The following BCAS3 variants were observed in gnomAD, a reference collection of about 807,000 sequenced individuals.
BCAS3 encodes BCAS4/BCAS3 fusion.
In BCAS3, 53 loss-of-function variants were observed where a neutral mutation model predicts 116.1. The ratio of observed to expected loss-of-function variants is 0.46; its 90% confidence interval spans 0.37 to 0.57. The LOEUF (loss-of-function observed/expected upper bound fraction) is 0.57. Among genes scored for constraint, BCAS3 ranks in the 20% least tolerant of loss-of-function variants. The pLI, the probability that BCAS3 is intolerant of heterozygous loss-of-function variation, is 0.00. For missense variants in BCAS3, 917 were observed against 1,165.4 expected, an observed-to-expected ratio of 0.79 and a Z score of 3.10; for synonymous variants, 391 against 408.2, an observed-to-expected ratio of 0.96 and a Z score of 0.51.
At chr17:60,949,803 A>G (rs2060734820) in intron 14 of BCAS3, among the ~76,000 whole-genome samples, 4 of 152,354 alleles carry the variant, frequency 2.6e-5, no homozygotes, top group South Asian at 2.1e-4. Context: ...CAGCTTCTAG[A>G]TATAGTCTCA....
intron 22 of BCAS3, among the ~76,000 whole-genome samples, chr17:61,159,114 C>A (rs767431375): frequency 2.6e-5 from 4 of 151,998 alleles, no homozygotes; most frequent in Admixed American, 6.6e-5. Flanking sequence ...TTTTTCTTTT[C>A]TTTTTTCCTT....
At chr17:61,192,529 T>C (rs1011020984) in intron 22 of BCAS3, among the ~76,000 whole-genome samples, 1 of 152,186 alleles carries the variant, frequency 6.6e-6, no homozygotes, top group African/African-American at 2.4e-5. Context: ...ATTAGGTTGA[T>C]GATAGACTTG....
chr17:60,810,505 G>C (rs2048709845), intron 7 of BCAS3: 2 of 747,632 alleles, frequency 2.7e-6, no homozygotes, highest in South Asian at 2.7e-5. Flanking sequence ...CAAAACCCAG[G>C]AGCACCTGGA....
intron 14 of BCAS3, among the ~76,000 whole-genome samples, chr17:60,976,034 T>TTTTTTTTTTTTTTTTTTTTTG: frequency 7.8e-6 from 1 of 128,948 alleles, no homozygotes; most frequent in Admixed American, 8.0e-5. Context: ...TTTTTTTTTT[T>TTTTTTTTTTTTTTTTTTTTTG]TTTTTTCTTT....
chr17:60,932,950 G>A (rs998323484), intron 13 of BCAS3, among the ~76,000 whole-genome samples: 3 of 151,966 alleles, frequency 2.0e-5, no homozygotes, highest in Non-Finnish European at 2.9e-5. Flanking sequence ...CGAGGAGGGC[G>A]GATTACTTGA....
rs2049225519 is a variant in BCAS3, at chr17:61,261,780, A to G, written c.2426-106547A>G. 6.6e-6 allele frequency among the ~76,000 whole-genome samples: 1 copy of G among 152,226 alleles called. No individual in the cohort carries two copies. The highest frequency in any genetic ancestry group is 1.5e-5 in the Non-Finnish European group (1 of 68,044). On this transcript the variant is annotated intron_variant, in intron 22 of 23. Coordinates refer to ENST00000407086, the MANE Select transcript of BCAS3 (RefSeq NM_017679.5). This position sits in a 1 kb window ranked among gnomAD's most constrained non-coding sequence, Gnocchi z 4.4. ...GATTGTCAAGACTTCTCATTTCTGT[A>G]TCAGAATGGTTATATCATTCCCTCC...
At position 61,224,445 on chromosome 17, in the gene BCAS3, A is replaced by G. The variant is rs1368179350; in HGVS notation, c.2425+139881A>G. Among the ~76,000 whole-genome samples, 1 of 152,246 alleles carries G rather than the reference A, an allele frequency of 6.6e-6. No individual in the cohort carries two copies. The highest frequency in any genetic ancestry group is 2.4e-5 in the African/African-American group (1 of 41,472). ...GAAAGTCATCCCAGGCAGGGAGAAC[A>G]GTGCTCGGAAAACAGGGTGTACATA... On this transcript the variant is annotated intron_variant, in intron 22 of 23. Transcript: ENST00000407086. The surrounding 1 kb of genome is among the most constrained non-coding windows in gnomAD (Gnocchi z 5.7).
intron 6 of BCAS3, among the ~76,000 whole-genome samples, chr17:60,781,278 C>CT (rs548284183): frequency 0.035 from 5,071 of 146,252 alleles, 119 homozygotes; most frequent in South Asian, 0.13. Flanking sequence ...CTTTTTTTTC[C>CT]TTTTTTTTTT....
chr17:61,312,039 G>A lies in BCAS3; in HGVS notation c.2426-56288G>A, dbSNP rs556721180. ...CTTCTGCAGATTGTTGTGGCTTCTG[G>A]GTGTCCTATTAGAAACAAAACAGGA... On this transcript the variant is annotated intron_variant, in intron 22 of 23. Coordinates refer to ENST00000407086, the MANE Select transcript of BCAS3 (RefSeq NM_017679.5). Among the ~76,000 whole-genome samples, 342 of 152,272 alleles carry A rather than the reference G, an allele frequency of 2.2e-3. 1 individual carries two copies. Among genetic ancestry groups the A allele is most frequent in the African/African-American group, 7.6e-3 (316 of 41,546 alleles).
Position 61,105,618 on chromosome 17 carries a change from G to A in BCAS3, c.2425+21054G>A, listed in dbSNP as rs1208847372. On this transcript the variant is annotated intron_variant, in intron 22 of 23. Coordinates refer to ENST00000407086, the MANE Select transcript of BCAS3 (RefSeq NM_017679.5). The surrounding 1 kb of genome is among the most constrained non-coding windows in gnomAD (Gnocchi z 4.3). ...TTTGTATTTTTTTTAGTATAGATGGGGTTTCTCCATGTTGGTCAGGCTGGT... is the reference window on the plus strand; with the variant it reads ...TTTGTATTTTTTTTAGTATAGATGGAGTTTCTCCATGTTGGTCAGGCTGGT... Among the ~76,000 whole-genome samples the A allele has an allele frequency of 6.6e-6, 1 of 151,950 alleles. No individual in the cohort carries two copies. The highest frequency in any genetic ancestry group is 1.5e-5 in the Non-Finnish European group (1 of 67,980).
intron 8 of BCAS3, among the ~76,000 whole-genome samples, chr17:60,874,194 G>T (rs2055379933): frequency 6.6e-6 from 1 of 151,692 alleles, no homozygotes; most frequent in East Asian, 1.9e-4. Flanking sequence ...AGCCTCCTGA[G>T]TAACTAGGAC....
At chr17:61,133,633 C>T (rs558269325) in intron 22 of BCAS3, among the ~76,000 whole-genome samples, 2 of 152,230 alleles carry the variant, frequency 1.3e-5, no homozygotes, top group South Asian at 4.2e-4. Flanking sequence ...ACACTCTCTT[C>T]CCAGTCTGAA....
chr17:60,820,740 C>T lies in BCAS3; in HGVS notation c.476+12664C>T, dbSNP rs185314987. Among the ~76,000 whole-genome samples the T allele has an allele frequency of 5.6e-3, 856 of 152,156 alleles. 6 individuals carry two copies. Among genetic ancestry groups the T allele is most frequent in the East Asian group, 9.1e-3 (47 of 5,166 alleles). ...GTATAAGAAAGAGTTGAGACTGTTA[C>T]GTTATGGAGAAAAGAACAAAATGGA... On this transcript the variant is annotated intron_variant, in intron 7 of 23. Coordinates refer to ENST00000407086, the MANE Select transcript of BCAS3 (RefSeq NM_017679.5).
In BCAS3 at chr17:61,201,024, A is replaced by T. The variant is rs57895747; in HGVS notation, c.2425+116460A>T. On this transcript the variant is annotated intron_variant, in intron 22 of 23. Coordinates refer to ENST00000407086, the MANE Select transcript of BCAS3 (RefSeq NM_017679.5). ...AGAAAGGACAAATAGTATATATAAA[A>T]AAAAAAAGAATTATAGGTCATACAG... Among the ~76,000 whole-genome samples, 1,223 of 152,330 alleles carry T rather than the reference A, an allele frequency of 8.0e-3. 15 individuals are homozygous for T. Among genetic ancestry groups the T allele is most frequent in the African/African-American group, 0.028 (1,160 of 41,568 alleles).
rs1170377185 is a variant in BCAS3 at position 61,213,946 on chromosome 17, G to A, written c.2425+129382G>A. Among the ~76,000 whole-genome samples, 1 of 152,114 alleles carries A rather than the reference G, an allele frequency of 6.6e-6. No individual in the cohort carries two copies. Among genetic ancestry groups the A allele is most frequent in the African/African-American group, 2.4e-5 (1 of 41,416 alleles). On this transcript the variant is annotated intron_variant, in intron 22 of 23. Transcript: ENST00000407086. The surrounding 1 kb of genome is among the most constrained non-coding windows in gnomAD (Gnocchi z 5.4). ...GTAGTGCAGAGGGAAGACAAGTGAG[G>A]AATTATGGCAGCCAAATGTCTCCCA...
intron 3 of BCAS3, chr17:60,689,182 T>G (rs1425031258): frequency 6.6e-6 from 1 of 152,298 alleles, no homozygotes; most frequent in Non-Finnish European, 1.5e-5. Flanking sequence ...TGCAGTTCTT[T>G]TTTTTGTGGG....
At chr17:61,127,380 CTGATG>C (rs1247999516) in intron 22 of BCAS3, among the ~76,000 whole-genome samples, 2 of 151,902 alleles carry the variant, frequency 1.3e-5, no homozygotes, top group African/African-American at 2.4e-5. Context: ...TTTTATATTA[CTGATG>C]TGATGTGTGA....
Position 61,128,737 on chromosome 17 carries a change from T to C in BCAS3, c.2425+44173T>C, listed in dbSNP as rs1475361397. ...CTCACAACATGATTTTGCATTTACA[T>C]CATCGTGCTAGCTGGTAGAATTTTT... On this transcript the variant is annotated intron_variant, in intron 22 of 23. Coordinates refer to ENST00000407086, the MANE Select transcript of BCAS3 (RefSeq NM_017679.5). The surrounding 1 kb of genome is among the most constrained non-coding windows in gnomAD (Gnocchi z 4.1). The C allele has an allele frequency of 8.3e-6, 4 of 483,518 alleles. No homozygotes were observed. Among genetic ancestry groups the C allele is most frequent in the Non-Finnish European group, 1.1e-5 (4 of 371,582 alleles). The allele number at this position is 483,518 out of a possible 1,614,324, so 30.0% of individuals were successfully genotyped here.
chr17:60,837,468 C>T (rs2051462245), intron 7 of BCAS3, among the ~76,000 whole-genome samples: 1 of 152,064 alleles, frequency 6.6e-6, no homozygotes, highest in Non-Finnish European at 1.5e-5. Context: ...AGGGGCATCA[C>T]TACAGATCTT....
Sources: allele counts gnomAD v4.1 joint callset (sites outside exome capture counted in the v4.1 genomes callset), GRCh38; gene constraint gnomAD v4.1.1; non-coding constraint Gnocchi (gnomAD v3.1); transcripts MANE v1.5; gene names NCBI Gene and HGNC (gene_info 2026-07-23, HGNC 2026-07-21).